The following TRHDE variants were observed in gnomAD, a reference collection of about 807,000 sequenced individuals.
TRHDE encodes the protein thyrotropin releasing hormone degrading enzyme.
Under a neutral mutation model 125.7 loss-of-function variants are expected in TRHDE, and 72 were observed. The ratio of observed to expected loss-of-function variants is 0.57; its 90% CI spans 0.47 to 0.70. The LOEUF (loss-of-function observed/expected upper bound fraction) is 0.70. Ranked by LOEUF, TRHDE falls within the 30% of genes least tolerant of loss-of-function variation. The pLI is 0.00. For missense variants in TRHDE, 1,110 were observed against 1,327.1 expected (o/e 0.84, Z 2.54); for synonymous variants, 509 against 509.1 (o/e 1.00, Z 0.00).
At chr12:72,327,484 A>G (rs571669646) in intron 2 of TRHDE, among the ~76,000 whole-genome samples, 2 of 152,278 alleles carry the variant, frequency 1.3e-5, no homozygotes, top group South Asian at 4.1e-4. Context: ...GGGAATCATT[A>G]CAATTAAATG....
intron 2 of TRHDE, among the ~76,000 whole-genome samples, chr12:72,314,972 G>A (rs1367305744): frequency 2.6e-5 from 4 of 152,114 alleles, no homozygotes; most frequent in African/African-American, 9.7e-5. Context: ...TATAATTCAT[G>A]TTTTAATTGC....
At chr12:72,539,829 T>A (rs1869052517) in intron 6 of TRHDE, among the ~76,000 whole-genome samples, 1 of 151,822 alleles carries the variant, frequency 6.6e-6, no homozygotes, top group African/African-American at 2.4e-5. Flanking sequence ...TCTCAAAAAT[T>A]ATTAAATCTT....
intron 5 of TRHDE, among the ~76,000 whole-genome samples, chr12:72,479,141 G>A (rs188006303): frequency 6.6e-6 from 1 of 152,190 alleles, no homozygotes; most frequent in East Asian, 1.9e-4. Context: ...AGATGAATGA[G>A]TAAGGCTGGA....
Position 72,088,097 on chromosome 12 carries a change from G to T in TRHDE, n.174+658G>T, listed in dbSNP as rs184778739. ...GAGGGACAAGGAAATCCAAGAGGTTGTGTTTACAGAATAAAGTACTAGCAT... is the reference window on the plus strand; with the variant it reads ...GAGGGACAAGGAAATCCAAGAGGTTTTGTTTACAGAATAAAGTACTAGCAT... On this transcript the variant is annotated intron_variant and non_coding_transcript_variant, in intron 1 of 4. Coordinates refer to the TRHDE transcript ENST00000548156. 5.6e-4 allele frequency among the ~76,000 whole-genome samples: 85 copies of T among 152,288 alleles called. 1 individual carries two copies. Among genetic ancestry groups the T allele is most frequent in the Admixed American group, 9.8e-4 (15 of 15,290 alleles).
intron 3 of TRHDE, among the ~76,000 whole-genome samples, chr12:72,467,674 G>T (rs953821277): frequency 6.6e-6 from 1 of 152,064 alleles, no homozygotes; most frequent in Admixed American, 6.5e-5. Flanking sequence ...AATTAGCTGG[G>T]CATGGTGGCG....
intron 2 of TRHDE, among the ~76,000 whole-genome samples, chr12:72,181,102 C>T (rs577369461): frequency 5.2e-4 from 79 of 152,104 alleles, no homozygotes; most frequent in African/African-American, 1.6e-3. Flanking sequence ...TTTTTCCTGG[C>T]GGCACCATTG....
intron 6 of TRHDE, among the ~76,000 whole-genome samples, chr12:72,530,979 C>T (rs957214253): frequency 1.3e-5 from 2 of 152,088 alleles, no homozygotes; most frequent in Non-Finnish European, 2.9e-5. Context: ...ACAGCAGGCA[C>T]TCAATAATTG....
At chr12:72,651,710 A>G (rs1263051302) in intron 15 of TRHDE, among the ~76,000 whole-genome samples, 3 of 151,962 alleles carry the variant, frequency 2.0e-5, no homozygotes, top group Non-Finnish European at 4.4e-5. Context: ...TCCCACTATA[A>G]TATTGCATTT....
intron 3 of TRHDE, among the ~76,000 whole-genome samples, chr12:72,421,688 A>T (rs1198544907): frequency 6.6e-6 from 1 of 152,210 alleles, no homozygotes; most frequent in Middle Eastern, 3.2e-3. Context: ...TTTTTGAAAA[A>T]ATATCTGCCA....
chr12:72,414,780 ATAAT>A (rs961580224), intron 3 of TRHDE, among the ~76,000 whole-genome samples: 2 of 152,176 alleles, frequency 1.3e-5, no homozygotes, highest in Non-Finnish European at 2.9e-5. Context: ...CAGGGAGAAC[ATAAT>A]TTATTCATTT....
At chr12:72,397,747 G>T (rs1872858277) in intron 3 of TRHDE, among the ~76,000 whole-genome samples, 1 of 152,030 alleles carries the variant, frequency 6.6e-6, no homozygotes, top group Admixed American at 6.6e-5. Context: ...ACAAAGAGAG[G>T]CATAGAAACA....
chr12:72,197,345 C>A (rs1464151088), intron 2 of TRHDE, among the ~76,000 whole-genome samples: 1 of 152,130 alleles, frequency 6.6e-6, no homozygotes, highest in African/African-American at 2.4e-5. Flanking sequence ...CCCACATTGC[C>A]ATCCACATAC....
chr12:72,180,019 AT>A (rs1877064480), intron 2 of TRHDE, among the ~76,000 whole-genome samples: 1 of 151,804 alleles, frequency 6.6e-6, no homozygotes, highest in African/African-American at 2.4e-5. Flanking sequence ...ATTACTATTA[AT>A]AATTAGTAAT....
chr12:72,560,073 A>G (rs1267284263), intron 7 of TRHDE, among the ~76,000 whole-genome samples: 1 of 152,006 alleles, frequency 6.6e-6, no homozygotes, highest in Non-Finnish European at 1.5e-5. Flanking sequence ...AATTCTGCAG[A>G]ATTTTCTTAA....
intron 1 of TRHDE, among the ~76,000 whole-genome samples, chr12:72,097,965 T>A (rs1342943973): frequency 6.6e-6 from 1 of 152,216 alleles, no homozygotes; most frequent in Non-Finnish European, 1.5e-5. Flanking sequence ...ATATGTTATT[T>A]TACATATGGC....
intron 2 of TRHDE, among the ~76,000 whole-genome samples, chr12:72,219,135 G>A (rs1877953137): frequency 6.6e-6 from 1 of 151,334 alleles, no homozygotes; most frequent in Admixed American, 6.6e-5. Context: ...AATAGTAGAT[G>A]GCAATTATTT....
At chr12:72,389,492 G>A (rs1332629283) in intron 3 of TRHDE, among the ~76,000 whole-genome samples, 2 of 152,222 alleles carry the variant, frequency 1.3e-5, no homozygotes, top group South Asian at 2.1e-4. Context: ...AACAACAGAA[G>A]TATATTTTCT....
intron 7 of TRHDE, among the ~76,000 whole-genome samples, chr12:72,542,806 C>T (rs769663476): frequency 1.3e-5 from 2 of 150,712 alleles, no homozygotes; most frequent in Non-Finnish European, 3.0e-5. Context: ...ATTATTTGTT[C>T]CAAAGGTTTT....
intron 2 of TRHDE, among the ~76,000 whole-genome samples, chr12:72,192,282 T>G (rs1177811785): frequency 6.6e-6 from 1 of 152,104 alleles, no homozygotes; most frequent in East Asian, 1.9e-4. Context: ...AGGTCCCAAG[T>G]GATATCGATG....
Sources: allele counts gnomAD v4.1 joint callset (sites outside exome capture counted in the v4.1 genomes callset), GRCh38; gene constraint gnomAD v4.1.1; transcripts MANE v1.5; gene names NCBI Gene and HGNC (gene_info 2026-07-23, HGNC 2026-07-21).